Variants in SLC14A2 observed in about 807,000 individuals in gnomAD.
SLC14A2 encodes urea transporter 2.
A neutral mutation model predicts 104.6 loss-of-function variants in SLC14A2; 91 were observed. That is an observed-to-expected ratio of 0.87 (90% confidence interval 0.73 to 1.04). The LOEUF is 1.04. Among genes scored for constraint, SLC14A2 ranks in the 50% least tolerant of loss-of-function variants. The probability of loss-of-function intolerance (pLI) is 0.00; values close to 1 mark genes in which losing one functional copy is unlikely to be tolerated. For synonymous variants in SLC14A2, 476 were observed against 466.4 expected (o/e 1.02, Z -0.27); for missense variants, 1,189 against 1,156.0 (o/e 1.03, Z -0.41).
At chr18:45,522,841 C>T (rs72902317) in intron 2 of SLC14A2, among the ~76,000 whole-genome samples, 1 of 152,070 alleles carries the variant, frequency 6.6e-6, no homozygotes, top group Non-Finnish European at 1.5e-5. Flanking sequence ...ATCACCAAAC[C>T]AGCTATACCC....
intron 2 of SLC14A2, among the ~76,000 whole-genome samples, chr18:45,531,517 C>G (rs568840561): frequency 6.6e-6 from 1 of 152,210 alleles, no homozygotes; most frequent in African/African-American, 2.4e-5. Context: ...AGGGTCTGTT[C>G]ATATCCTTCA....
intron 1 of SLC14A2, among the ~76,000 whole-genome samples, chr18:45,375,969 G>A (rs1470563889): frequency 2.0e-5 from 3 of 152,194 alleles, no homozygotes; most frequent in Non-Finnish European, 4.4e-5. Context: ...GGAAACTCTG[G>A]ATGGGTACAG....
At chr18:45,229,674 C>G (rs1169572466) in intron 1 of SLC14A2, among the ~76,000 whole-genome samples, 4 of 152,176 alleles carry the variant, frequency 2.6e-5, no homozygotes, top group Non-Finnish European at 2.9e-5. Context: ...AGCTCAAACT[C>G]TTCATCTTTC....
intron 1 of SLC14A2, among the ~76,000 whole-genome samples, chr18:45,398,939 T>A (rs1167948270): frequency 6.6e-6 from 1 of 152,228 alleles, no homozygotes; most frequent in Non-Finnish European, 1.5e-5. Context: ...ACACATACTT[T>A]ATGTCATCGA....
chr18:45,181,222 A>G, the SLC14A2 span: 1 of 152,276 alleles, frequency 6.6e-6, no homozygotes, highest in Non-Finnish European at 1.5e-5. Context: ...GGCTTTGTAC[A>G]TCACTCTTGC....
chr18:45,257,267 T>G (rs889483312), intron 1 of SLC14A2, among the ~76,000 whole-genome samples: 1 of 152,238 alleles, frequency 6.6e-6, no homozygotes, highest in South Asian at 2.1e-4. Context: ...CTTTGGAAAT[T>G]AGTTGTTCCA....
At position 45,240,818 on chromosome 18, in the gene SLC14A2, C is replaced by T. The variant is rs11874887; in HGVS notation, c.-125+27627C>T. Among the ~76,000 whole-genome samples the T allele has an allele frequency of 2.2e-3, 337 of 151,886 alleles. 2 individuals are homozygous for T. The highest frequency in any genetic ancestry group is 7.7e-3 in the African/African-American group (319 of 41,406). On this transcript the variant is annotated intron_variant, in intron 1 of 20. Coordinates refer to the SLC14A2 transcript ENST00000586448. ...GATGACAGGTGCCCGCCACTATGCC[C>T]GGCTCATTTTTTTCTATTTTTAGTA...
At chr18:45,196,317 C>T in the SLC14A2 span, among the ~76,000 whole-genome samples, 2 of 152,132 alleles carry the variant, frequency 1.3e-5, no homozygotes, top group African/African-American at 2.4e-5. Context: ...TTTTCATTCT[C>T]ATTCTCTTTC....
chr18:45,541,168 C>T (rs2043877972), intron 2 of SLC14A2, among the ~76,000 whole-genome samples: 1 of 152,196 alleles, frequency 6.6e-6, no homozygotes, highest in Admixed American at 6.5e-5. Flanking sequence ...TCTTTGTCTT[C>T]TTGCCAGTGG....
In SLC14A2 at chr18:45,465,572, TCATCCATCCATCCATGCATG is replaced by T. The variant is rs535818413; in HGVS notation, c.-124-17647_-124-17628del. Among the ~76,000 whole-genome samples the T allele has an allele frequency of 2.7e-3, 416 of 152,196 alleles. 2 individuals carry two copies. The highest frequency in any genetic ancestry group is 9.5e-3 in the African/African-American group (396 of 41,518). Reference sequence around the variant, plus strand: ...GGGCCCGAAGCCTCCCTCCCTCCCTTCATCCATCCATCCATGCATGCATCCATCCATCCTTCTCCTCCTCC... The same window carrying T: ...GGGCCCGAAGCCTCCCTCCCTCCCTTCATCCATCCATCCTTCTCCTCCTCC... On this transcript the variant is annotated intron_variant, in intron 1 of 20. Transcript: ENST00000586448.
At chr18:45,646,011 A>G (rs1036674877) in intron 10 of SLC14A2, 1 of 152,250 alleles carries the variant, frequency 6.6e-6, no homozygotes, top group Non-Finnish European at 1.5e-5. Flanking sequence ...GATACCCAGA[A>G]AAGTGACAGT....
intron 1 of SLC14A2, among the ~76,000 whole-genome samples, chr18:45,426,258 C>A (rs900884794): frequency 7.2e-5 from 11 of 152,098 alleles, no homozygotes; most frequent in Admixed American, 5.2e-4. Context: ...ACTTTCTGTT[C>A]CTTGCTGAGT....
chr18:45,178,642 A>G, the SLC14A2 span, among the ~76,000 whole-genome samples: 2 of 152,216 alleles, frequency 1.3e-5, no homozygotes, highest in Admixed American at 1.3e-4. Context: ...ACTTTTATCA[A>G]TCCCTTGTGT....
chr18:45,485,176 G>T (rs1269382521), intron 2 of SLC14A2: 1 of 152,148 alleles, frequency 6.6e-6, no homozygotes, highest in Non-Finnish European at 1.5e-5. Context: ...GAGACCAAGG[G>T]ATAATGACCA....
At chr18:45,582,324 C>T (rs2044504838) in intron 2 of SLC14A2, among the ~76,000 whole-genome samples, 1 of 152,094 alleles carries the variant, frequency 6.6e-6, no homozygotes, top group Admixed American at 6.5e-5. Flanking sequence ...GCTAGAGATG[C>T]TAGGAAATGT....
At chr18:45,180,150 A>T in the SLC14A2 span, among the ~76,000 whole-genome samples, 1 of 152,156 alleles carries the variant, frequency 6.6e-6, no homozygotes, top group Non-Finnish European at 1.5e-5. Context: ...CCCTGTCTGA[A>T]AAAGAGAAAA....
chr18:45,275,397 T>C (rs2084691738), intron 1 of SLC14A2, among the ~76,000 whole-genome samples: 1 of 152,192 alleles, frequency 6.6e-6, no homozygotes. Context: ...AATTGTTGAC[T>C]AAAGATGATG....
chr18:45,589,945 G>A (rs2044623802), intron 2 of SLC14A2, among the ~76,000 whole-genome samples: 1 of 152,204 alleles, frequency 6.6e-6, no homozygotes, highest in African/African-American at 2.4e-5. Flanking sequence ...TAGGACCCCA[G>A]CAGAACTGGG....
upstream of SLC14A2, among the ~76,000 whole-genome samples, chr18:45,210,401 G>A (rs142836673): frequency 6.6e-4 from 100 of 152,292 alleles, no homozygotes; most frequent in East Asian, 0.012. Flanking sequence ...ACAGCATAGT[G>A]AGACCCTGCC....
Sources: allele counts gnomAD v4.1 joint callset (sites outside exome capture counted in the v4.1 genomes callset), GRCh38; gene constraint gnomAD v4.1.1; transcripts MANE v1.5; gene names NCBI Gene and HGNC (gene_info 2026-07-23, HGNC 2026-07-21).